The following KCND2 variants were observed in gnomAD, a reference collection of about 807,000 sequenced individuals.
KCND2 encodes the protein potassium voltage-gated channel subfamily D member 2.
In KCND2, 16 loss-of-function variants were observed where a neutral mutation model predicts 54.4. The ratio of observed to expected loss-of-function variants is 0.29; its 90% CI spans 0.20 to 0.45. KCND2 has a LOEUF of 0.45. Among genes scored for constraint, KCND2 ranks in the 20% least tolerant of loss-of-function variants. The pLI is 1.00. For synonymous variants in KCND2, 317 were observed against 310.7 expected, an observed-to-expected ratio of 1.02 and a Z score of -0.21; for missense variants, 486 against 824.2, an observed-to-expected ratio of 0.59 and a Z score of 5.02.
At chr7:120,728,299 T>A (rs116894009) in intron 1 of KCND2, among the ~76,000 whole-genome samples, 42,035 of 146,104 alleles carry the variant, frequency 0.29, 6,482 homozygotes, top group East Asian at 0.43. Flanking sequence ...TTTTTTTTTT[T>A]AAAAATTTTG....
chr7:120,671,426 G>C (rs548800030), intron 1 of KCND2, among the ~76,000 whole-genome samples: 1 of 152,174 alleles, frequency 6.6e-6, no homozygotes, highest in East Asian at 1.9e-4. Flanking sequence ...TTGCTAACAG[G>C]CCACAGACTG....
intron 1 of KCND2, among the ~76,000 whole-genome samples, chr7:120,579,646 A>AAATT (rs1242051430): frequency 2.2e-5 from 3 of 137,642 alleles, no homozygotes; most frequent in Non-Finnish European, 3.1e-5. Flanking sequence ...ATAAATAAAT[A>AAATT]AAATAAAATA....
chr7:120,551,962 T>C (rs1469432599), intron 1 of KCND2, among the ~76,000 whole-genome samples: 1 of 152,184 alleles, frequency 6.6e-6, no homozygotes, highest in Non-Finnish European at 1.5e-5. Flanking sequence ...GTTGTTGCAA[T>C]GCATTTCTCT....
intron 1 of KCND2, among the ~76,000 whole-genome samples, chr7:120,307,293 G>A (rs1799662146): frequency 6.6e-6 from 1 of 151,826 alleles, no homozygotes; most frequent in South Asian, 2.1e-4. Flanking sequence ...TTCAGTGAGG[G>A]GAATTTTCAG....
intron 1 of KCND2, among the ~76,000 whole-genome samples, chr7:120,446,334 T>C (rs1802018333): frequency 2.0e-5 from 3 of 152,210 alleles, no homozygotes; most frequent in African/African-American, 7.2e-5. Context: ...ACAGATGAAT[T>C]TGATGATTCT....
At chr7:120,723,751 C>T (rs1562920501) in intron 1 of KCND2, among the ~76,000 whole-genome samples, 1 of 152,070 alleles carries the variant, frequency 6.6e-6, no homozygotes, top group Non-Finnish European at 1.5e-5. Flanking sequence ...AAATTAAAAT[C>T]AACAAATTCT....
intron 1 of KCND2, among the ~76,000 whole-genome samples, chr7:120,351,732 C>G (rs529553282): frequency 6.6e-5 from 10 of 152,160 alleles, no homozygotes; most frequent in Admixed American, 1.3e-4. Context: ...CTGTCATGGA[C>G]CCTGCCATCT....
rs554267440 is a variant in KCND2 at position 120,321,148 on chromosome 7, T to C, written c.1115+45401T>C. Among the ~76,000 whole-genome samples, 38 of 152,252 alleles carry C rather than the reference T, an allele frequency of 2.5e-4. 1 individual carries two copies. The South Asian group carries it at 7.9e-3, about 31-fold the overall frequency. On this transcript the variant is annotated intron_variant, in intron 1 of 5. Coordinates refer to ENST00000331113, the MANE Select transcript of KCND2 (RefSeq NM_012281.3). The stretch of plus-strand genomic sequence containing the variant: ...TATGTAGGCATTGTATATATATCAG[T>C]AAAGAACACAGCCTCAGCCCTCCAC...
At chr7:120,384,125 A>C (rs530615279) in intron 1 of KCND2, among the ~76,000 whole-genome samples, 1 of 152,216 alleles carries the variant, frequency 6.6e-6, no homozygotes, top group Admixed American at 6.6e-5. Context: ...TACCTAATGC[A>C]AGGTAAATAC....
At chr7:120,561,284 AT>A (rs1443192821) in intron 1 of KCND2, among the ~76,000 whole-genome samples, 1 of 152,230 alleles carries the variant, frequency 6.6e-6, no homozygotes, top group Non-Finnish European at 1.5e-5. Flanking sequence ...GTAAAGACAG[AT>A]GACAGGAGAG....
chr7:120,517,272 TAATGATATAGTCAGTATCA>T (rs1803209409), intron 1 of KCND2, among the ~76,000 whole-genome samples: 1 of 152,132 alleles, frequency 6.6e-6, no homozygotes, highest in South Asian at 2.1e-4. Context: ...CAGACTTTGT[TAATGATATAGTCAGTATCA>T]TTTTTAGATA....
chr7:120,368,985 G>A (rs1800725533), intron 1 of KCND2, among the ~76,000 whole-genome samples: 1 of 152,062 alleles, frequency 6.6e-6, no homozygotes, highest in African/African-American at 2.4e-5. Context: ...GCCAAACTAA[G>A]CTGGAGCTAC....
At chr7:120,371,420 G>A (rs1322268310) in intron 1 of KCND2, among the ~76,000 whole-genome samples, 8 of 152,046 alleles carry the variant, frequency 5.3e-5, no homozygotes, top group African/African-American at 1.9e-4. Flanking sequence ...TTCTTGGACT[G>A]GAAGAATTCT....
intron 1 of KCND2, among the ~76,000 whole-genome samples, chr7:120,494,588 A>G (rs1212000451): frequency 6.6e-6 from 1 of 152,146 alleles, no homozygotes; most frequent in Non-Finnish European, 1.5e-5. Context: ...TTATGTTTCT[A>G]GAAAAAGCCT....
intron 1 of KCND2, among the ~76,000 whole-genome samples, chr7:120,335,092 T>C (rs1800126829): frequency 6.6e-6 from 1 of 151,878 alleles, no homozygotes; most frequent in South Asian, 2.1e-4. Flanking sequence ...TGGCTGGGCG[T>C]GATGGCTCAC....
In KCND2 at chr7:120,741,583, C is replaced by T; in HGVS notation, c.1328C>T (p.Ala443Val). 3.1e-6 allele frequency: 5 copies of T among 1,613,308 alleles called. No individual in the cohort carries two copies. The highest frequency in any genetic ancestry group is 4.2e-6 in the Non-Finnish European group (5 of 1,179,470). ...IRAAKSGSAN[A>V]YMQSKRNGLL... Reference sequence around the variant, plus strand: ...GCAGCCAAAAGCGGAAGCGCAAATGCTTACATGCAGAGCAAACGGAATGGT... The same window carrying T: ...GCAGCCAAAAGCGGAAGCGCAAATGTTTACATGCAGAGCAAACGGAATGGT... Residue 443 changes from alanine (A) to valine (V), a missense_variant, in exon 3 of 6, where the codon GCT becomes GTT. By Grantham distance (64) the Ala-to-Val change is moderately conservative. This residue lies in a region of KCND2 where 202 missense variants were observed against 252.7 expected (regional missense o/e 0.80). Transcript: ENST00000331113.
intron 1 of KCND2, among the ~76,000 whole-genome samples, chr7:120,476,598 A>G (rs1802536584): frequency 6.6e-6 from 1 of 152,138 alleles, no homozygotes; most frequent in Non-Finnish European, 1.5e-5. Flanking sequence ...TTCATATTAA[A>G]TTGTTGTTTT....
chr7:120,348,288 AC>A (rs1375645663), intron 1 of KCND2, among the ~76,000 whole-genome samples: 1 of 152,050 alleles, frequency 6.6e-6, no homozygotes, highest in African/African-American at 2.4e-5. Context: ...TCCTCCCTAA[AC>A]AAGCTGATAG....
At chr7:120,287,147 C>A (rs1361796401) in intron 1 of KCND2, among the ~76,000 whole-genome samples, 1 of 151,966 alleles carries the variant, frequency 6.6e-6, no homozygotes, top group Non-Finnish European at 1.5e-5. Context: ...CCAGTAGTTT[C>A]ACAAAATATT....
Sources: allele counts gnomAD v4.1 joint callset (sites outside exome capture counted in the v4.1 genomes callset), GRCh38; gene constraint gnomAD v4.1.1; regional missense constraint gnomAD v4.1.1; transcripts MANE v1.5; gene names NCBI Gene and HGNC (gene_info 2026-07-23, HGNC 2026-07-21).